ADGB: variants seen among roughly 807,000 people sequenced by gnomAD.
ADGB encodes calpain-7-like protein.
A neutral mutation model predicts 210.5 loss-of-function variants in ADGB; 172 were observed. The observed-to-expected ratio is 0.82, with a 90% CI of 0.72 to 0.93. The LOEUF is 0.93. Among genes scored for constraint, ADGB ranks in the 40% least tolerant of loss-of-function variants. The pLI is 0.00. For missense variants in ADGB, 2,025 were observed against 1,964.8 expected, an observed-to-expected ratio of 1.03 and a Z score of -0.58; for synonymous variants, 658 against 662.7, an observed-to-expected ratio of 0.99 and a Z score of 0.11.
At chr6:146,672,674 G>T (rs1298126216) in intron 8 of ADGB, among the ~76,000 whole-genome samples, 1 of 151,928 alleles carries the variant, frequency 6.6e-6, no homozygotes, top group Non-Finnish European at 1.5e-5. Context: ...TTACAGAGTA[G>T]GGCATCTTCA....
At chr6:146,779,517 C>A in intron 29 of ADGB, among the ~76,000 whole-genome samples, 1 of 151,986 alleles carries the variant, frequency 6.6e-6, no homozygotes, top group Non-Finnish European at 1.5e-5. Flanking sequence ...GAGCTAGACA[C>A]CTCATAATTA....
Position 146,733,259 on chromosome 6 carries a change from C to A in ADGB, c.2656+4C>A. The A allele has an allele frequency of 6.7e-7, 1 of 1,486,618 alleles. No individual in the cohort carries two copies. Among genetic ancestry groups the A allele is most frequent in the Non-Finnish European group, 8.9e-7 (1 of 1,123,560 alleles). The allele number at this position is 1,486,618 out of a possible 1,614,324, so 92.1% of individuals were successfully genotyped here. ...TCCTTGGAAGAGGTTTCTTTAGGTA[C>A]CCATGAATTGTATATATTTAATCAA... On this transcript the variant is annotated splice_donor_region_variant and intron_variant, in intron 21 of 35. Transcript: ENST00000397944.
chr6:146,782,336 C>A, intron 30 of ADGB, 144 bp downstream of exon 30: 1 of 791,592 alleles, frequency 1.3e-6, no homozygotes, highest in Non-Finnish European at 1.9e-6. Flanking sequence ...TGAGGACATT[C>A]CTTGGACACC....
At chr6:146,672,730 T>TC (rs932650531) in intron 8 of ADGB, among the ~76,000 whole-genome samples, 7 of 150,302 alleles carry the variant, frequency 4.7e-5, no homozygotes, top group African/African-American at 7.3e-5. Flanking sequence ...TTTCTTTCTT[T>TC]TTTTTTTTTT....
At chr6:146,720,681 A>G (rs958526133) in intron 16 of ADGB, among the ~76,000 whole-genome samples, 1 of 152,112 alleles carries the variant, frequency 6.6e-6, no homozygotes, top group African/African-American at 2.4e-5. Context: ...GTCATGGTGG[A>G]AGGCTATGGG....
At chr6:146,662,465 T>G (rs973479252) in intron 5 of ADGB, among the ~76,000 whole-genome samples, 5 of 152,082 alleles carry the variant, frequency 3.3e-5, no homozygotes, top group African/African-American at 1.2e-4. Context: ...AAATTTCTAT[T>G]TTTATGCCTT....
chr6:146,779,815 G>C (rs1274888276), intron 29 of ADGB, among the ~76,000 whole-genome samples: 1 of 148,432 alleles, frequency 6.7e-6, no homozygotes, highest in Non-Finnish European at 1.5e-5. Context: ...AGTTTGTTTT[G>C]AAAACAAACT....
chr6:146,609,806 A>G (rs1352915636), intron 1 of ADGB, among the ~76,000 whole-genome samples: 1 of 152,180 alleles, frequency 6.6e-6, no homozygotes, highest in Admixed American at 6.5e-5. Flanking sequence ...TTTCTCCTGA[A>G]AGATCTGCTG....
chr6:146,705,342 C>G (rs558869551), intron 13 of ADGB, among the ~76,000 whole-genome samples: 1 of 151,952 alleles, frequency 6.6e-6, no homozygotes, highest in South Asian at 2.1e-4. Context: ...GGTTATTTTC[C>G]TTGTCTTACT....
intron 1 of ADGB, among the ~76,000 whole-genome samples, chr6:146,614,176 T>TCTCCCTCCCTCC (rs147963385): frequency 2.9e-4 from 40 of 139,412 alleles, no homozygotes; most frequent in Non-Finnish European, 4.5e-4. Context: ...ACTTGTTTTC[T>TCTCCCTCCCTCC]CTCCCTCCCT....
intron 32 of ADGB, 138 bp from the exon 33 acceptor site, chr6:146,788,251 C>T: frequency 1.3e-6 from 1 of 772,966 alleles, no homozygotes; most frequent in East Asian, 2.7e-5. Flanking sequence ...ATTACTTTTG[C>T]TAGTGCTCTG....
intron 11 of ADGB, 51 bp from the exon 12 acceptor site, chr6:146,692,774 C>T: frequency 9.8e-7 from 1 of 1,018,946 alleles, no homozygotes; most frequent in Admixed American, 2.6e-5. Flanking sequence ...GTATGCAATC[C>T]TGAAAGATTT....
chr6:146,616,096 A>G (rs1228231866), intron 1 of ADGB, among the ~76,000 whole-genome samples: 1 of 152,122 alleles, frequency 6.6e-6, no homozygotes, highest in Non-Finnish European at 1.5e-5. Flanking sequence ...TCTTTTTGAT[A>G]ACAGTCATTT....
chr6:146,634,177 A>T (rs934014930), intron 1 of ADGB, among the ~76,000 whole-genome samples: 4 of 152,124 alleles, frequency 2.6e-5, no homozygotes, highest in Non-Finnish European at 5.9e-5. Context: ...ACAGGTTTAT[A>T]GCCTAGGAGC....
At chr6:146,626,410 T>G (rs1780972975) in intron 1 of ADGB, among the ~76,000 whole-genome samples, 1 of 151,934 alleles carries the variant, frequency 6.6e-6, no homozygotes, top group Non-Finnish European at 1.5e-5. Context: ...ATTTTTCTTC[T>G]GCTTGAGGCC....
At chr6:146,719,136 A>G (rs1477585701) in intron 16 of ADGB, among the ~76,000 whole-genome samples, 6 of 152,252 alleles carry the variant, frequency 3.9e-5, no homozygotes, top group Non-Finnish European at 1.5e-5. Flanking sequence ...AGATACTATT[A>G]CCATCATTTT....
In ADGB at chr6:146,801,192, C is replaced by G; in HGVS notation, c.4547C>G (p.Pro1516Arg). 6.7e-7 allele frequency: 1 copy of G among 1,492,462 alleles called. No homozygotes were observed. The highest frequency in any genetic ancestry group is 8.9e-7 in the Non-Finnish European group (1 of 1,119,360). The allele number at this position is 1,492,462 out of a possible 1,614,324, so 92.5% of individuals were successfully genotyped here. A position where few individuals can be genotyped will look rare whatever the true frequency, so the allele number is the denominator to read the frequency against. ...TGTGTTTTTTTTAAAGAAACAGGAC[C>G]TCGTACACGATCTCCAACAATTTTG... Reference protein sequence around the residue: ...STRKENIQTGPRTRSPTILET... With the variant: ...STRKENIQTGRRTRSPTILET... Residue 1516 changes from proline to arginine, a missense_variant, in exon 34 of 36, where the codon CCT (proline) becomes CGT (arginine). Transcript: ENST00000397944.
chr6:146,674,399 A>G (rs1776057801), intron 8 of ADGB, among the ~76,000 whole-genome samples: 1 of 151,924 alleles, frequency 6.6e-6, no homozygotes, highest in Non-Finnish European at 1.5e-5. Flanking sequence ...TGCTGAGATG[A>G]CTGCAGTAGT....
At chr6:146,637,545 A>G (rs983866644) in intron 2 of ADGB, among the ~76,000 whole-genome samples, 1 of 152,006 alleles carries the variant, frequency 6.6e-6, no homozygotes, top group African/African-American at 2.4e-5. Context: ...AGGGACCCCA[A>G]TAAACACTCC....
Sources: gnomAD v4.1 joint callset for allele counts (sites outside exome capture counted in the v4.1 genomes callset) on GRCh38, gnomAD v4.1.1 for gene constraint, MANE v1.5 for transcripts, NCBI Gene and HGNC (gene_info 2026-07-23, HGNC 2026-07-21) for gene names.